The following NRG3 variants were observed in gnomAD, a reference collection of about 807,000 sequenced individuals.
NRG3 encodes the protein pro-neuregulin-3, membrane-bound isoform.
A neutral mutation model predicts 66.9 loss-of-function variants in NRG3; 31 were observed. That is an observed-to-expected ratio of 0.46 (90% confidence interval 0.35 to 0.63). NRG3 has a LOEUF of 0.63. Ranked by LOEUF, NRG3 falls within the 20% of genes least tolerant of loss-of-function variation. The pLI is 0.00. For synonymous variants in NRG3, 393 were observed against 359.4 expected (o/e 1.09, Z -1.06); for missense variants, 910 against 878.9 (o/e 1.04, Z -0.45).
At chr10:82,173,441 C>T (rs2072782234) in intron 1 of NRG3, among the ~76,000 whole-genome samples, 1 of 151,990 alleles carries the variant, frequency 6.6e-6, no homozygotes, top group African/African-American at 2.4e-5. Context: ...CTGGACCATA[C>T]ATATGAGTGC....
chr10:82,680,705 A>G (rs544472369), intron 2 of NRG3, among the ~76,000 whole-genome samples: 1 of 152,334 alleles, frequency 6.6e-6, no homozygotes, highest in Admixed American at 6.5e-5. Context: ...ATGCAGCTCA[A>G]TATGATCCTG....
intron 3 of NRG3, chr10:82,799,751 G>C (rs1390409): frequency 0.099 from 15,127 of 152,124 alleles, 860 homozygotes; most frequent in Middle Eastern, 0.16. Flanking sequence ...CACTGTAGCA[G>C]ACAGTGTCTC....
Position 82,652,826 on chromosome 10 carries a change from C to T in NRG3, c.954-85751C>T, listed in dbSNP as rs148000980. ...TTTGAGCCACAGCCACTCAGTTCAT[C>T]TGCTCCAGGATTTCTGACCTTTCAA... On this transcript the variant is annotated intron_variant, in intron 2 of 8. Transcript: ENST00000372141. Among the ~76,000 whole-genome samples, 339 of 152,306 alleles carry T rather than the reference C, an allele frequency of 2.2e-3. 1 individual carries two copies. The highest frequency in any genetic ancestry group is 7.9e-3 in the African/African-American group (329 of 41,568).
chr10:82,816,658 T>C (rs7099749), intron 3 of NRG3, among the ~76,000 whole-genome samples: 15,137 of 152,212 alleles, frequency 0.099, 828 homozygotes, highest in African/African-American at 0.16. Context: ...GTCTGCCTCC[T>C]ACTTCCTTAA....
intron 1 of NRG3, among the ~76,000 whole-genome samples, chr10:82,110,111 A>C (rs2132230223): frequency 6.6e-6 from 1 of 152,324 alleles, no homozygotes; most frequent in South Asian, 2.1e-4. Flanking sequence ...AAAATTGGGA[A>C]AGGGTAAAGG....
intron 2 of NRG3, among the ~76,000 whole-genome samples, chr10:82,407,320 T>A (rs1370417788): frequency 6.6e-6 from 1 of 152,072 alleles, no homozygotes; most frequent in Non-Finnish European, 1.5e-5. Flanking sequence ...CAACAGGAAT[T>A]CTCTTTTTGG....
chr10:82,108,557 A>G (rs1324349410), intron 1 of NRG3, among the ~76,000 whole-genome samples: 1 of 152,092 alleles, frequency 6.6e-6, no homozygotes, highest in Non-Finnish European at 1.5e-5. Flanking sequence ...CTTTTTTGAT[A>G]ATCTGAATAT....
chr10:82,917,563 G>A (rs565482695), intron 4 of NRG3, among the ~76,000 whole-genome samples: 4 of 151,966 alleles, frequency 2.6e-5, no homozygotes, highest in Non-Finnish European at 5.9e-5. Context: ...TTATTTTTCT[G>A]GTGCCTGTCC....
chr10:81,988,384 G>A (rs2060606851), intron 1 of NRG3, among the ~76,000 whole-genome samples: 1 of 152,140 alleles, frequency 6.6e-6, no homozygotes, highest in African/African-American at 2.4e-5. Flanking sequence ...AGCATGCCCG[G>A]CTTTGATATA....
intron 3 of NRG3, among the ~76,000 whole-genome samples, chr10:82,773,815 A>G (rs2059802177): frequency 6.6e-6 from 1 of 152,148 alleles, no homozygotes; most frequent in Non-Finnish European, 1.5e-5. Flanking sequence ...GTTGTTCCCT[A>G]TTGATTATAA....
intron 2 of NRG3, among the ~76,000 whole-genome samples, chr10:82,665,757 A>ACT (rs1261115813): frequency 1.3e-5 from 2 of 152,026 alleles, no homozygotes; most frequent in East Asian, 3.9e-4. Context: ...TGCTTATTTC[A>ACT]CATGAAATCT....
At chr10:81,970,399 C>A (rs76297587) in intron 1 of NRG3, among the ~76,000 whole-genome samples, 1 of 152,180 alleles carries the variant, frequency 6.6e-6, no homozygotes, top group East Asian at 1.9e-4. Flanking sequence ...TGATTCATTT[C>A]AACCAGGTTT....
chr10:81,916,414 A>G (rs1845712478), intron 1 of NRG3, among the ~76,000 whole-genome samples: 2 of 152,188 alleles, frequency 1.3e-5, no homozygotes, highest in African/African-American at 4.8e-5. Flanking sequence ...CTGTTTGCTA[A>G]CTGTATGATA....
At chr10:82,081,691 A>G (rs1051709121) in intron 1 of NRG3, among the ~76,000 whole-genome samples, 9 of 152,174 alleles carry the variant, frequency 5.9e-5, no homozygotes, top group African/African-American at 2.2e-4. Flanking sequence ...GCTTTATACA[A>G]TCTACCAGTT....
chr10:82,172,453 G>A (rs1001214215), intron 1 of NRG3, among the ~76,000 whole-genome samples: 2 of 152,078 alleles, frequency 1.3e-5, no homozygotes, highest in Non-Finnish European at 1.5e-5. Flanking sequence ...ATGGTTTGGC[G>A]AAATGTTTGT....
At chr10:81,962,967 C>G (rs1161472359) in intron 1 of NRG3, among the ~76,000 whole-genome samples, 1 of 152,074 alleles carries the variant, frequency 6.6e-6, no homozygotes, top group African/African-American at 2.4e-5. Context: ...ACAACTCGCC[C>G]TGTTGCTCAG....
At chr10:82,267,329 C>T (rs1267358450) in intron 1 of NRG3, among the ~76,000 whole-genome samples, 1 of 152,146 alleles carries the variant, frequency 6.6e-6, no homozygotes, top group Non-Finnish European at 1.5e-5. Flanking sequence ...ACAATTGCAG[C>T]AAGTGAAGTT....
At chr10:82,727,366 T>C (rs1422992351) in intron 2 of NRG3, among the ~76,000 whole-genome samples, 2 of 152,182 alleles carry the variant, frequency 1.3e-5, no homozygotes, top group African/African-American at 4.8e-5. Context: ...CTAGGGCCCC[T>C]CTGCTATGTG....
At chr10:81,893,567 C>T (rs546404422) in intron 1 of NRG3, among the ~76,000 whole-genome samples, 35 of 152,196 alleles carry the variant, frequency 2.3e-4, no homozygotes, top group African/African-American at 8.0e-4. Flanking sequence ...TGCTGATCCT[C>T]CCGTAAATCC....
Sources: gnomAD v4.1 joint callset for allele counts (sites outside exome capture counted in the v4.1 genomes callset) on GRCh38, gnomAD v4.1.1 for gene constraint, MANE v1.5 for transcripts, NCBI Gene and HGNC (gene_info 2026-07-23, HGNC 2026-07-21) for gene names.